The following INSL6 variants were observed in gnomAD, a reference collection of about 807,000 sequenced individuals.
The protein encoded by INSL6 is insulin-like peptide INSL6.
INSL6 carries 16 observed loss-of-function variants against 9.4 expected under a neutral mutation model. That is an observed-to-expected ratio of 1.70 (90% confidence interval 1.15 to 2.59). The LOEUF is 2.59. Ranked by LOEUF, INSL6 falls within the 30% of genes most tolerant of loss-of-function variation. INSL6 has a pLI of 0.00. For synonymous variants in INSL6, 154 were observed against 96.9 expected, an observed-to-expected ratio of 1.59 and a Z score of -3.46; for missense variants, 391 against 257.3, an observed-to-expected ratio of 1.52 and a Z score of -3.56.
chr9:5,168,236 G>T (rs1015215359), intron 1 of INSL6, among the ~76,000 whole-genome samples: 1 of 152,190 alleles, frequency 6.6e-6, no homozygotes, highest in Non-Finnish European at 1.5e-5. Flanking sequence ...TAGATAAATT[G>T]ACAGAAGTAA....
chr9:5,164,433 G>A (rs2130905689), intron 1 of INSL6, among the ~76,000 whole-genome samples, 168 bp from the exon 2 acceptor site: 1 of 152,322 alleles, frequency 6.6e-6, no homozygotes, highest in Admixed American at 6.5e-5. Flanking sequence ...TAAAGTAGGT[G>A]TAGTGTTTTC....
chr9:5,069,242 G>A, the INSL6 span: 2 of 1,431,680 alleles, frequency 1.4e-6, no homozygotes, highest in South Asian at 2.5e-5. Flanking sequence ...TTAAATTACT[G>A]GTCATGGATT....
At chr9:5,130,422 G>T (rs1824249621) in intron 3 of INSL6, among the ~76,000 whole-genome samples, 1 of 152,160 alleles carries the variant, frequency 6.6e-6, no homozygotes, top group African/African-American at 2.4e-5. Flanking sequence ...ATGGAAAAAT[G>T]GTAGAGCAGG....
chr9:5,003,144 T>C, the INSL6 span, among the ~76,000 whole-genome samples: 1 of 151,998 alleles, frequency 6.6e-6, no homozygotes, highest in African/African-American at 2.4e-5. Flanking sequence ...ATGATAAATC[T>C]TGATGTCTGA....
chr9:5,118,559 CCCCT>C, the INSL6 span, among the ~76,000 whole-genome samples: 1 of 152,134 alleles, frequency 6.6e-6, no homozygotes, highest in Non-Finnish European at 1.5e-5. Flanking sequence ...AACAATCCCT[CCCCT>C]CCAATTGGTT....
chr9:5,010,346 C>T, the INSL6 span, among the ~76,000 whole-genome samples: 4 of 149,930 alleles, frequency 2.7e-5, no homozygotes, highest in East Asian at 1.9e-4. Context: ...TTTTTTTAGA[C>T]GGAGTCTCGC....
chr9:5,024,209 T>C, the INSL6 span, among the ~76,000 whole-genome samples: 1 of 152,170 alleles, frequency 6.6e-6, no homozygotes, highest in Non-Finnish European at 1.5e-5. Context: ...TGAGCCGAGA[T>C]TGCGCCACTG....
At chr9:5,007,601 C>T in the INSL6 span, among the ~76,000 whole-genome samples, 1 of 146,592 alleles carries the variant, frequency 6.8e-6, no homozygotes, top group South Asian at 2.1e-4. Context: ...TATTTTGCAA[C>T]TTAATATACT....
At chr9:5,086,712 CCTGT>C in the INSL6 span, among the ~76,000 whole-genome samples, 4 of 152,234 alleles carry the variant, frequency 2.6e-5, no homozygotes, top group East Asian at 1.9e-4. Context: ...CTGAAATCTC[CCTGT>C]CTGACTATAA....
At chr9:5,081,217 A>G in the INSL6 span, among the ~76,000 whole-genome samples, 7 of 151,346 alleles carry the variant, frequency 4.6e-5, no homozygotes, top group African/African-American at 1.7e-4. Flanking sequence ...TCTTTCAGTA[A>G]CCTAATTTTA....
chr9:5,118,982 T>C (rs148014250), downstream of INSL6, among the ~76,000 whole-genome samples: 29 of 152,324 alleles, frequency 1.9e-4, 1 homozygote, highest in East Asian at 5.0e-3. Context: ...TGTTACACTT[T>C]CACGTGGATG....
At chr9:5,168,318 A>G (rs1825101050) in intron 1 of INSL6, among the ~76,000 whole-genome samples, 1 of 152,236 alleles carries the variant, frequency 6.6e-6, no homozygotes, top group Non-Finnish European at 1.5e-5. Context: ...CAAAGAAGCT[A>G]AGAACCATAA....
chr9:5,173,403 T>C (rs553179201), intron 1 of INSL6, among the ~76,000 whole-genome samples: 1 of 152,264 alleles, frequency 6.6e-6, no homozygotes, highest in African/African-American at 2.4e-5. Flanking sequence ...ATGTGGCACA[T>C]ATACACCATG....
chr9:5,118,553 A>G, the INSL6 span, among the ~76,000 whole-genome samples: 1 of 152,172 alleles, frequency 6.6e-6, no homozygotes, highest in Admixed American at 6.5e-5. Flanking sequence ...GAATGGAACA[A>G]TCCCTCCCCT....
At chr9:5,038,650 A>G in the INSL6 span, among the ~76,000 whole-genome samples, 1 of 151,588 alleles carries the variant, frequency 6.6e-6, no homozygotes, top group Non-Finnish European at 1.5e-5. Context: ...CGCTGGTTGA[A>G]CATACCTAAT....
chr9:5,015,600 G>A, the INSL6 span, among the ~76,000 whole-genome samples: 14 of 151,122 alleles, frequency 9.3e-5, no homozygotes, highest in African/African-American at 3.4e-4. Flanking sequence ...AGTGGCATGA[G>A]CACAATCACT....
chr9:5,081,099 G>C, the INSL6 span, among the ~76,000 whole-genome samples: 3 of 151,700 alleles, frequency 2.0e-5, no homozygotes, highest in Non-Finnish European at 2.9e-5. Flanking sequence ...GTTTCACCGT[G>C]TTAGCCAGGA....
chr9:5,150,439 G>A (rs930454298), intron 2 of INSL6, among the ~76,000 whole-genome samples: 2 of 152,022 alleles, frequency 1.3e-5, no homozygotes, highest in African/African-American at 4.8e-5. Context: ...CAAAGGACAT[G>A]AACATTTTTA....
chr9:5,043,166 T>A, the INSL6 span, among the ~76,000 whole-genome samples: 4 of 152,190 alleles, frequency 2.6e-5, no homozygotes, highest in African/African-American at 9.7e-5. Flanking sequence ...CGGGCGGCCC[T>A]GGACTGGCTG....
Sources: allele counts gnomAD v4.1 joint callset (sites outside exome capture counted in the v4.1 genomes callset), GRCh38; gene constraint gnomAD v4.1.1; transcripts MANE v1.5; gene names NCBI Gene and HGNC (gene_info 2026-07-23, HGNC 2026-07-21).